Variants in LEPR observed in about 807,000 individuals in gnomAD.
The protein encoded by LEPR is OB receptor.
In LEPR, 56 loss-of-function variants were observed where a neutral mutation model predicts 114.7. The ratio of observed to expected loss-of-function variants is 0.49; its 90% CI spans 0.39 to 0.61. LEPR has a LOEUF of 0.61. Among genes scored for constraint, LEPR ranks in the 20% least tolerant of loss-of-function variants. The pLI is 0.00. For missense variants in LEPR, 1,202 were observed against 1,352.9 expected (o/e 0.89, Z 1.75); for synonymous variants, 443 against 461.4 (o/e 0.96, Z 0.51).
At chr1:65,576,939 T>C in intron 5 of LEPR, 1 of 354,620 alleles carries the variant, frequency 2.8e-6, no homozygotes, top group South Asian at 2.9e-5. Context: ...CTGGAAATAC[T>C]GTCTGTTCCT....
At chr1:65,525,064 C>T (rs1649830662) in intron 2 of LEPR, among the ~76,000 whole-genome samples, 2 of 152,208 alleles carry the variant, frequency 1.3e-5, no homozygotes, top group Admixed American at 6.5e-5. Flanking sequence ...CCCCTCCAAA[C>T]ACCCCCACCC....
intron 14 of LEPR, 107 bp downstream of exon 14, chr1:65,610,403 G>T (rs1033118018): frequency 1.1e-6 from 1 of 935,980 alleles, no homozygotes; most frequent in Non-Finnish European, 1.6e-6. Context: ...CAACAATCCT[G>T]TATTTTCATT....
intron 2 of LEPR, among the ~76,000 whole-genome samples, chr1:65,459,739 C>A (rs1233439673): frequency 1.3e-5 from 2 of 152,150 alleles, no homozygotes; most frequent in Admixed American, 1.3e-4. Context: ...CAATTCTTTG[C>A]CAGCACCTAT....
At chr1:65,467,968 G>T (rs2100402878) in intron 2 of LEPR, among the ~76,000 whole-genome samples, 1 of 152,266 alleles carries the variant, frequency 6.6e-6, no homozygotes, top group Middle Eastern at 3.4e-3. Context: ...GCTAGGAAAG[G>T]GAAATCCCCT....
chr1:65,509,012 C>G (rs905005294), intron 2 of LEPR, among the ~76,000 whole-genome samples: 7 of 151,924 alleles, frequency 4.6e-5, no homozygotes, highest in African/African-American at 1.7e-4. Flanking sequence ...TATAGGAATG[C>G]TACTGATTTT....
At chr1:65,431,305 C>T (rs1570434850) in intron 2 of LEPR, among the ~76,000 whole-genome samples, 1 of 152,196 alleles carries the variant, frequency 6.6e-6, no homozygotes. Flanking sequence ...AGGGTACTCT[C>T]ACCCCCAAAT....
chr1:65,544,056 C>T (rs942394504), intron 2 of LEPR, among the ~76,000 whole-genome samples: 1 of 151,966 alleles, frequency 6.6e-6, no homozygotes, highest in African/African-American at 2.4e-5. Context: ...TTACTTTGGG[C>T]AGTATAGCTG....
intron 2 of LEPR, among the ~76,000 whole-genome samples, chr1:65,457,075 G>A (rs910509207): frequency 4.6e-5 from 7 of 152,018 alleles, no homozygotes; most frequent in Non-Finnish European, 8.8e-5. Context: ...TGCTTCATGG[G>A]TAGTGTTTTT....
At chr1:65,586,111 G>C (rs1238799112) in intron 5 of LEPR, among the ~76,000 whole-genome samples, 1 of 151,992 alleles carries the variant, frequency 6.6e-6, no homozygotes, top group African/African-American at 2.4e-5. Flanking sequence ...GATGATAACA[G>C]TGAAATTTAT....
intron 2 of LEPR, among the ~76,000 whole-genome samples, chr1:65,532,812 G>A (rs1179887350): frequency 3.9e-5 from 6 of 152,260 alleles, no homozygotes; most frequent in South Asian, 4.1e-4. Context: ...AGTGGTTGCC[G>A]GGGATGGAGG....
chr1:65,521,740 T>C (rs887836207), intron 2 of LEPR, among the ~76,000 whole-genome samples: 1 of 152,230 alleles, frequency 6.6e-6, no homozygotes, highest in Non-Finnish European at 1.5e-5. Context: ...CCATGAGGAC[T>C]TAAAAGTTTC....
intron 5 of LEPR, among the ~76,000 whole-genome samples, chr1:65,575,139 G>A (rs1021742958): frequency 6.6e-6 from 1 of 152,102 alleles, no homozygotes; most frequent in African/African-American, 2.4e-5. Context: ...TTCAAGAATG[G>A]TAGGCAAAAC....
Position 65,610,081 on chromosome 1 carries a change from C to G in LEPR, c.1887C>G (p.Ala629=). Residue 629 remains alanine, a synonymous_variant, in exon 13 of 20, where the codon GCC becomes GCG. Coordinates refer to ENST00000349533, the MANE Select transcript of LEPR (RefSeq NM_002303.6). ...ATTGGAGTAATTGGAGCAATCCAGC[C>G]TACACAGTTGTCATGGATATAAAAG... ...LGYWSNWSNP[A]YTVVMDIKVP... 1.2e-6 allele frequency: 2 copies of G among 1,614,172 alleles called. No homozygotes were observed. Among genetic ancestry groups the G allele is most frequent in the Non-Finnish European group, 1.7e-6 (2 of 1,180,018 alleles).
At chr1:65,570,411 T>C (rs1032989980) in intron 3 of LEPR, 62 bp from the exon 4 acceptor site, 23 of 1,506,082 alleles carry the variant, frequency 1.5e-5, no homozygotes, top group Non-Finnish European at 2.0e-5. Flanking sequence ...TCAGATACTT[T>C]CTATTCATGT....
At chr1:65,561,291 G>A (rs1653290512) in intron 2 of LEPR, among the ~76,000 whole-genome samples, 1 of 5,928 alleles carries the variant, frequency 1.7e-4, no homozygotes, top group East Asian at 7.0e-4. Context: ...GAGAGTGTAT[G>A]TGTTGAGGAA....
chr1:65,532,923 T>C (rs1309806170), intron 2 of LEPR, among the ~76,000 whole-genome samples: 1 of 152,174 alleles, frequency 6.6e-6, no homozygotes, highest in African/African-American at 2.4e-5. Context: ...CTCTGTTAGA[T>C]ACATTCACTC....
At chr1:65,615,905 C>A in intron 14 of LEPR, 103 bp from the exon 15 acceptor site, 1 of 1,479,958 alleles carries the variant, frequency 6.8e-7, no homozygotes, top group Non-Finnish European at 9.3e-7. Flanking sequence ...CCTGATCTGG[C>A]CCCTGCCTCC....
At chr1:65,486,878 T>G (rs1268933598) in intron 2 of LEPR, among the ~76,000 whole-genome samples, 1 of 152,170 alleles carries the variant, frequency 6.6e-6, no homozygotes, top group African/African-American at 2.4e-5. Context: ...TGGTCAGCTG[T>G]TCTTCATTTC....
In LEPR at chr1:65,610,205, A is replaced by G. The variant is rs1344431947; in HGVS notation, c.1913-9A>G. 6.2e-7 allele frequency: 1 copy of G among 1,614,096 alleles called. No homozygotes were observed. Among genetic ancestry groups the G allele is most frequent in the Non-Finnish European group, 8.5e-7 (1 of 1,179,966 alleles). ...TTCAAAAACATATACACAACTTGTC[A>G]TTTTGCAGTTCCTATGAGAGGACCT... is the stretch of plus-strand genomic sequence containing the variant. On this transcript the variant is annotated splice_polypyrimidine_tract_variant and intron_variant, in intron 13 of 19. Coordinates refer to ENST00000349533, the MANE Select transcript of LEPR (RefSeq NM_002303.6).
Sources: allele counts gnomAD v4.1 joint callset (sites outside exome capture counted in the v4.1 genomes callset), GRCh38; gene constraint gnomAD v4.1.1; transcripts MANE v1.5; gene names NCBI Gene and HGNC (gene_info 2026-07-23, HGNC 2026-07-21).